ETV6: variants seen among roughly 807,000 people sequenced by gnomAD.
ETV6 encodes the protein transcription factor ETV6.
A neutral mutation model predicts 51.1 loss-of-function variants in ETV6; 16 were observed. The ratio of observed to expected loss-of-function variants is 0.31; its 90% CI spans 0.21 to 0.48. ETV6 has a LOEUF of 0.48. Among genes scored for constraint, ETV6 ranks in the 20% least tolerant of loss-of-function variants. ETV6 has a pLI of 0.99. For missense variants in ETV6, 458 were observed against 594.8 expected (o/e 0.77, Z 2.39); for synonymous variants, 240 against 224.1 (o/e 1.07, Z -0.64).
At chr12:11,795,471 A>G (rs1462846161) in intron 2 of ETV6, among the ~76,000 whole-genome samples, 1 of 152,274 alleles carries the variant, frequency 6.6e-6, no homozygotes, top group African/African-American at 2.4e-5. Flanking sequence ...CCAGGCCAAT[A>G]GAGCCAAAGT....
chr12:11,771,234 C>A (rs1945238382), intron 2 of ETV6, among the ~76,000 whole-genome samples: 1 of 152,180 alleles, frequency 6.6e-6, no homozygotes, highest in Non-Finnish European at 1.5e-5. Flanking sequence ...AGTGGTGTCC[C>A]ACTCCACACT....
intron 1 of ETV6, among the ~76,000 whole-genome samples, chr12:11,710,783 C>T (rs1213282773): frequency 6.6e-6 from 1 of 152,182 alleles, no homozygotes; most frequent in Non-Finnish European, 1.5e-5. Context: ...TTGACAGAAG[C>T]CTTCTGGTGG....
intron 1 of ETV6, among the ~76,000 whole-genome samples, chr12:11,650,505 A>AC (rs1555109539): frequency 8.2e-4 from 16 of 19,408 alleles, no homozygotes; most frequent in South Asian, 2.7e-3. Context: ...ACAAAAAACA[A>AC]AAAAAAAAAA....
rs1947281061 is a variant in ETV6, at chr12:11,891,139, A to G, written c.*93A>G. On this transcript the variant is annotated 3_prime_UTR_variant, in exon 8 of 8. Coordinates refer to ENST00000396373, the MANE Select transcript of ETV6 (RefSeq NM_001987.5). Reference sequence around the variant, plus strand: ...GTGTGACGGAGCAGGCGGGCTGAGGAGAGTGGAAAAGGAAGCGACCCAGAA... The same window carrying G: ...GTGTGACGGAGCAGGCGGGCTGAGGGGAGTGGAAAAGGAAGCGACCCAGAA... The G allele has an allele frequency of 1.0e-6, 1 of 995,038 alleles. No individual in the cohort carries two copies. Among genetic ancestry groups the G allele is most frequent in the Non-Finnish European group, 1.5e-6 (1 of 650,364 alleles). The allele number at this position is 995,038 out of a possible 1,614,324, so 61.6% of individuals were successfully genotyped here. A position where few individuals can be genotyped will look rare whatever the true frequency, so the allele number is the denominator to read the frequency against.
At chr12:11,720,992 GA>G (rs1865373948) in intron 1 of ETV6, among the ~76,000 whole-genome samples, 1 of 152,128 alleles carries the variant, frequency 6.6e-6, no homozygotes. Flanking sequence ...AATCATCAGA[GA>G]AATGCAAATC....
In ETV6 at chr12:11,895,301, A is replaced by C. The variant is rs1039889342; in HGVS notation, c.*4255A>C. 8.5e-5 allele frequency: 19 copies of C among 223,406 alleles called. No individual in the cohort carries two copies. The highest frequency in any genetic ancestry group is 1.2e-4 in the Non-Finnish European group (14 of 112,188). The allele number at this position is 223,406 out of a possible 1,614,324, so 13.8% of individuals were successfully genotyped here. ...ATGTAACAAAAAAGAAAAAAAAAAC[A>C]AAAAAAAATGCCTTTTCTCAGGGCC... On this transcript the variant is annotated 3_prime_UTR_variant, in exon 8 of 8. Transcript: ENST00000396373.
intron 1 of ETV6, among the ~76,000 whole-genome samples, chr12:11,702,564 C>T (rs1278317315): frequency 1.3e-5 from 2 of 151,998 alleles, no homozygotes; most frequent in African/African-American, 2.4e-5. Context: ...AAGTATCCCC[C>T]CCATCCCCAC....
intron 1 of ETV6, 128 bp downstream of exon 1, chr12:11,650,288 A>G: frequency 7.5e-6 from 6 of 797,604 alleles, no homozygotes; most frequent in Non-Finnish European, 1.3e-5. Context: ...TTGGGGCGAG[A>G]GGGAAAGAGA....
At chr12:11,827,070 TCA>T (rs55959869) in intron 2 of ETV6, among the ~76,000 whole-genome samples, 16,604 of 144,924 alleles carry the variant, frequency 0.11, 956 homozygotes, top group Admixed American at 0.15. Context: ...GAAGTCTGTC[TCA>T]CACACACACA....
At chr12:11,884,312 CAAGG>C in intron 5 of ETV6, 129 bp from the exon 6 acceptor site, 1 of 1,009,038 alleles carries the variant, frequency 9.9e-7, no homozygotes. Flanking sequence ...CCCGGTAAAA[CAAGG>C]AAGTTAGTTA....
At chr12:11,890,816 G>T in intron 7 of ETV6, 125 bp from the exon 8 acceptor site, 2 of 759,306 alleles carry the variant, frequency 2.6e-6, no homozygotes, top group South Asian at 3.0e-5. Context: ...CATTAATCTC[G>T]GGGTTCAGTA....
chr12:11,837,217 C>T (rs1946330138), intron 2 of ETV6, among the ~76,000 whole-genome samples: 1 of 151,998 alleles, frequency 6.6e-6, no homozygotes, highest in Admixed American at 6.5e-5. Flanking sequence ...CTTTTAGTGG[C>T]TGTATTTTAT....
chr12:11,790,646 T>C (rs983297895), intron 2 of ETV6, among the ~76,000 whole-genome samples: 2 of 151,550 alleles, frequency 1.3e-5, no homozygotes, highest in African/African-American at 4.9e-5. Context: ...TTTCCGTTAA[T>C]TCCACCTAGT....
chr12:11,857,467 C>T (rs1946648915), intron 4 of ETV6, among the ~76,000 whole-genome samples: 1 of 152,216 alleles, frequency 6.6e-6, no homozygotes, highest in Admixed American at 6.5e-5. Context: ...CCTCAGATTA[C>T]ACTTACCTCT....
rs11054440 is a variant in ETV6, at chr12:11,742,478, T to G, written c.34-9972T>G. ...TGATTATGACTTCTGGAAAAAATTT[T>G]TTTAAAGGAAACACAGGTGTGTAAC... On this transcript the variant is annotated intron_variant, in intron 1 of 7. Transcript: ENST00000396373. 8.0e-3 allele frequency among the ~76,000 whole-genome samples: 1,218 copies of G among 152,324 alleles called. 13 individuals are homozygous for G. The highest frequency in any genetic ancestry group is 0.027 in the African/African-American group (1,141 of 41,570).
chr12:11,655,134 A>C (rs149724937), intron 1 of ETV6, among the ~76,000 whole-genome samples: 3 of 152,228 alleles, frequency 2.0e-5, no homozygotes, highest in Non-Finnish European at 4.4e-5. Flanking sequence ...TTTTTTCACC[A>C]ATTTTTAAAA....
chr12:11,877,484 G>A (rs1947009320), intron 5 of ETV6, among the ~76,000 whole-genome samples: 1 of 152,138 alleles, frequency 6.6e-6, no homozygotes, highest in Admixed American at 6.5e-5. Flanking sequence ...ACATGCATCT[G>A]TGCATAAATA....
chr12:11,731,560 T>C (rs1424189079), intron 1 of ETV6, among the ~76,000 whole-genome samples: 2 of 152,024 alleles, frequency 1.3e-5, no homozygotes, highest in Non-Finnish European at 2.9e-5. Flanking sequence ...TTTTCTTCTG[T>C]CTTATTGGCC....
At chr12:11,756,457 A>G (rs577646189) in intron 2 of ETV6, among the ~76,000 whole-genome samples, 6 of 152,314 alleles carry the variant, frequency 3.9e-5, no homozygotes, top group African/African-American at 1.2e-4. Flanking sequence ...GAGCCGAAGT[A>G]CAATTACAGT....
Sources: gnomAD v4.1 joint callset for allele counts (sites outside exome capture counted in the v4.1 genomes callset) on GRCh38, gnomAD v4.1.1 for gene constraint, MANE v1.5 for transcripts, NCBI Gene and HGNC (gene_info 2026-07-23, HGNC 2026-07-21) for gene names.